Variants in GRID1 observed in about 807,000 individuals in gnomAD.
GRID1 encodes the protein glutamate receptor ionotropic, delta-1.
In GRID1, 28 loss-of-function variants were observed where a neutral mutation model predicts 98.0. The ratio of observed to expected loss-of-function variants is 0.29; its 90% CI spans 0.21 to 0.39. The LOEUF is 0.39. Ranked by LOEUF, GRID1 falls within the 10% of genes least tolerant of loss-of-function variation. The pLI is 1.00. For synonymous variants in GRID1, 553 were observed against 538.5 expected (o/e 1.03, Z -0.37); for missense variants, 1,111 against 1,340.5 (o/e 0.83, Z 2.67).
chr10:85,711,826 TCAAA>T (rs1208705099), intron 12 of GRID1, among the ~76,000 whole-genome samples: 1 of 151,614 alleles, frequency 6.6e-6, no homozygotes, highest in African/African-American at 2.4e-5. Flanking sequence ...AAAGAGCACA[TCAAA>T]CAGTTTTATA....
At chr10:86,225,225 C>T (rs1256250956) in intron 2 of GRID1, among the ~76,000 whole-genome samples, 1 of 152,112 alleles carries the variant, frequency 6.6e-6, no homozygotes, top group East Asian at 1.9e-4. Context: ...GTGACTTGTC[C>T]AGGAGCCCGA....
intron 2 of GRID1, among the ~76,000 whole-genome samples, chr10:86,349,331 C>T (rs1848432261): frequency 6.6e-6 from 1 of 152,230 alleles, no homozygotes; most frequent in African/African-American, 2.4e-5. Flanking sequence ...GGTGCACAAG[C>T]TTATACCGCC....
intron 8 of GRID1, among the ~76,000 whole-genome samples, chr10:85,816,967 C>G (rs111663483): frequency 6.6e-6 from 1 of 152,140 alleles, no homozygotes; most frequent in East Asian, 1.9e-4. Context: ...ATTTGATATT[C>G]TATTTCTGTG....
At chr10:86,225,054 C>A (rs942660288) in intron 2 of GRID1, among the ~76,000 whole-genome samples, 8 of 152,212 alleles carry the variant, frequency 5.3e-5, no homozygotes, top group Non-Finnish European at 1.2e-4. Context: ...AGCCCAGGTG[C>A]AGAGGACTGG....
intron 4 of GRID1, among the ~76,000 whole-genome samples, chr10:86,002,411 T>C (rs1412828813): frequency 6.6e-6 from 1 of 152,218 alleles, no homozygotes; most frequent in Non-Finnish European, 1.5e-5. Context: ...GTTGTATGTT[T>C]TCCTATAATA....
At chr10:86,273,377 C>G (rs74893349) in intron 2 of GRID1, among the ~76,000 whole-genome samples, 103,536 of 121,148 alleles carry the variant, frequency 0.85, 45,146 homozygotes, top group Non-Finnish European at 0.91. Context: ...AAACATACGT[C>G]TGCATGTGTC....
intron 8 of GRID1, among the ~76,000 whole-genome samples, chr10:85,737,166 A>T (rs1841891145): frequency 6.6e-6 from 1 of 152,168 alleles, no homozygotes; most frequent in African/African-American, 2.4e-5. Flanking sequence ...GGACCTTTGC[A>T]CAAGGAATTG....
chr10:85,878,784 T>C (rs1455260367), intron 5 of GRID1, among the ~76,000 whole-genome samples: 3 of 151,102 alleles, frequency 2.0e-5, no homozygotes, highest in Non-Finnish European at 4.5e-5. Flanking sequence ...TAACTTTAAA[T>C]GTAAATGGAC....
intron 2 of GRID1, among the ~76,000 whole-genome samples, chr10:86,227,394 C>G (rs1205335329): frequency 6.6e-6 from 1 of 152,170 alleles, no homozygotes; most frequent in African/African-American, 2.4e-5. Flanking sequence ...GGCTGCAGCC[C>G]CAGCACCAAG....
chr10:85,895,806 C>T (rs73344627), intron 5 of GRID1, among the ~76,000 whole-genome samples: 1 of 152,086 alleles, frequency 6.6e-6, no homozygotes, highest in Non-Finnish European at 1.5e-5. Context: ...GACCCAGATG[C>T]AGATGATCCG....
At chr10:86,300,715 G>C (rs1484728433) in intron 2 of GRID1, among the ~76,000 whole-genome samples, 1 of 151,982 alleles carries the variant, frequency 6.6e-6, no homozygotes, top group Admixed American at 6.5e-5. Flanking sequence ...ATGGTAACTG[G>C]AGCAGGAGGA....
chr10:86,327,915 T>TA (rs1268741283), intron 2 of GRID1, among the ~76,000 whole-genome samples: 1 of 152,232 alleles, frequency 6.6e-6, no homozygotes, highest in Admixed American at 6.5e-5. Flanking sequence ...TTCCACAACT[T>TA]AGAGTCCACC....
In GRID1 at chr10:86,162,291, G is replaced by T. The variant is rs542804009; in HGVS notation, c.521-23267C>A. Among the ~76,000 whole-genome samples, 27 of 152,156 alleles carry T rather than the reference G, an allele frequency of 1.8e-4. 1 individual carries two copies. Among genetic ancestry groups the T allele is most frequent in the African/African-American group, 6.5e-4 (27 of 41,514 alleles). On this transcript the variant is annotated intron_variant, in intron 3 of 15. Coordinates refer to ENST00000327946, the MANE Select transcript of GRID1 (RefSeq NM_017551.3). ...GGGAACTGACCCAGAAGCAAAGACA[G>T]GAAAAGGGCAAAATCATGGGGCCAT...
At chr10:86,019,330 G>A (rs553254300) in intron 4 of GRID1, among the ~76,000 whole-genome samples, 10 of 152,338 alleles carry the variant, frequency 6.6e-5, no homozygotes, top group African/African-American at 2.4e-4. Context: ...CCCTTGGTAT[G>A]GTGGTGCTCC....
chr10:86,305,613 A>T (rs1847749262), intron 2 of GRID1, among the ~76,000 whole-genome samples: 1 of 151,904 alleles, frequency 6.6e-6, no homozygotes, highest in African/African-American at 2.4e-5. Flanking sequence ...GCATGCAGAC[A>T]TTTCTCGGTT....
At chr10:85,931,945 T>C (rs961506757) in intron 4 of GRID1, among the ~76,000 whole-genome samples, 1 of 152,164 alleles carries the variant, frequency 6.6e-6, no homozygotes, top group Non-Finnish European at 1.5e-5. Flanking sequence ...TCCTATTATA[T>C]CCTGCCAGAA....
intron 5 of GRID1, among the ~76,000 whole-genome samples, chr10:85,869,960 C>A (rs939673638): frequency 2.0e-5 from 3 of 152,182 alleles, no homozygotes; most frequent in African/African-American, 7.2e-5. Flanking sequence ...GGAGCTCTTT[C>A]CAGAACAGGG....
chr10:86,355,155 A>G (rs940350685), intron 2 of GRID1, among the ~76,000 whole-genome samples: 2 of 152,224 alleles, frequency 1.3e-5, no homozygotes, highest in Admixed American at 1.3e-4. Context: ...TGATCCTCTC[A>G]GCTGTCCTCT....
intron 12 of GRID1, among the ~76,000 whole-genome samples, chr10:85,703,050 A>G (rs180820277): frequency 1.3e-5 from 2 of 152,214 alleles, no homozygotes; most frequent in East Asian, 3.9e-4. Context: ...GAGAGAAAGT[A>G]AAAGAGGAGA....
Sources: gnomAD v4.1 joint callset for allele counts (sites outside exome capture counted in the v4.1 genomes callset) on GRCh38, gnomAD v4.1.1 for gene constraint, MANE v1.5 for transcripts, NCBI Gene and HGNC (gene_info 2026-07-23, HGNC 2026-07-21) for gene names.